LRRC69: variants seen among roughly 807,000 people sequenced by gnomAD.
LRRC69 encodes leucine-rich repeat-containing protein 69.
A neutral mutation model predicts 37.8 loss-of-function variants in LRRC69; 42 were observed. The ratio of observed to expected loss-of-function variants is 1.11; its 90% CI spans 0.87 to 1.44. The LOEUF (loss-of-function observed/expected upper bound fraction) is 1.44. Ranked by LOEUF, LRRC69 falls within the 40% of genes most tolerant of loss-of-function variation. The probability of loss-of-function intolerance (pLI) is 0.00; values close to 1 mark genes in which losing one functional copy is unlikely to be tolerated. For missense variants in LRRC69, 357 were observed against 401.9 expected (o/e 0.89, Z 0.96); for synonymous variants, 141 against 143.1 (o/e 0.99, Z 0.11).
chr8:91,115,322 AAC>A (rs1813492760), intron 1 of LRRC69, among the ~76,000 whole-genome samples: 1 of 151,958 alleles, frequency 6.6e-6, no homozygotes, highest in Non-Finnish European at 1.5e-5. Flanking sequence ...AGAGGTTGAA[AAC>A]ACATGCCTCC....
chr8:91,149,978 T>C (rs577563844), intron 5 of LRRC69, among the ~76,000 whole-genome samples: 21 of 152,078 alleles, frequency 1.4e-4, no homozygotes, highest in Non-Finnish European at 2.2e-4. Context: ...CTTAAGGAGA[T>C]TTTGGGCTGA....
chr8:91,166,510 A>AAAAC (rs1554593674), intron 5 of LRRC69, among the ~76,000 whole-genome samples: 7 of 127,516 alleles, frequency 5.5e-5, no homozygotes, highest in Non-Finnish European at 1.3e-4. Context: ...AAAAAAAAAA[A>AAAAC]AAAAAACCTA....
intron 7 of LRRC69, among the ~76,000 whole-genome samples, chr8:91,216,793 A>G (rs1810055762): frequency 6.6e-6 from 1 of 152,118 alleles, no homozygotes; most frequent in South Asian, 2.1e-4. Flanking sequence ...AAAAATACTT[A>G]TGAAATCTTT....
At chr8:91,192,979 A>T (rs1298417328) in intron 6 of LRRC69, among the ~76,000 whole-genome samples, 2 of 152,148 alleles carry the variant, frequency 1.3e-5, no homozygotes, top group African/African-American at 4.8e-5. Flanking sequence ...TTACGGTTTT[A>T]GATCTAACGT....
At chr8:91,217,579 G>T (rs1216501074) in intron 7 of LRRC69, among the ~76,000 whole-genome samples, 1 of 152,110 alleles carries the variant, frequency 6.6e-6, no homozygotes, top group East Asian at 1.9e-4. Flanking sequence ...GGAAGCAATT[G>T]AGTCATTGCC....
At chr8:91,197,850 G>T (rs1255601678) in intron 6 of LRRC69, among the ~76,000 whole-genome samples, 1 of 151,910 alleles carries the variant, frequency 6.6e-6, no homozygotes, top group African/African-American at 2.4e-5. Flanking sequence ...GTTCCTATTC[G>T]GCCATCTTGG....
intron 5 of LRRC69, among the ~76,000 whole-genome samples, chr8:91,154,423 C>CA (rs978362578): frequency 2.0e-5 from 3 of 151,022 alleles, no homozygotes; most frequent in African/African-American, 4.8e-5. Context: ...AGACACACAA[C>CA]AAAAAAAACT....
intron 5 of LRRC69, among the ~76,000 whole-genome samples, chr8:91,173,452 T>C (rs1809168834): frequency 6.6e-6 from 1 of 152,190 alleles, no homozygotes; most frequent in Non-Finnish European, 1.5e-5. Context: ...TTAAAAGTTA[T>C]CCTCTTATCA....
At chr8:91,132,275 T>C (rs994201296) in intron 3 of LRRC69, among the ~76,000 whole-genome samples, 2 of 152,022 alleles carry the variant, frequency 1.3e-5, no homozygotes, top group African/African-American at 4.8e-5. Context: ...TTACTGCCTC[T>C]AATGCTTTAT....
In LRRC69 at chr8:91,124,492, G is replaced by A. The variant is rs1406156044; in HGVS notation, c.184-1G>A. The A allele has an allele frequency of 1.3e-6, 2 of 1,529,548 alleles. No homozygotes were observed. The highest frequency in any genetic ancestry group is 1.2e-5 in the South Asian group (1 of 80,558). 94.7% of individuals were successfully genotyped at this position (1,529,548 alleles called of 1,614,324 possible). On this transcript the variant is annotated splice_acceptor_variant, in intron 1 of 7. Coordinates refer to ENST00000448384, the Ensembl canonical transcript of LRRC69. LOFTEE classifies it high-confidence loss of function. ...TCCATTAAACCTCTATATGTTTGCA[G>A]TTGACAACACTAAATCTGGGAAACA...
At chr8:91,114,971 CATTTATACATGG>C (rs1201345175) in intron 1 of LRRC69, among the ~76,000 whole-genome samples, 1 of 151,898 alleles carries the variant, frequency 6.6e-6, no homozygotes, top group East Asian at 1.9e-4. Flanking sequence ...TACATGATTT[CATTTATACATGG>C]AATATAAAAA....
At chr8:91,146,432 A>T (rs1335195645) in intron 5 of LRRC69, among the ~76,000 whole-genome samples, 1 of 151,866 alleles carries the variant, frequency 6.6e-6, no homozygotes, top group Non-Finnish European at 1.5e-5. Context: ...ATTTTTGAGA[A>T]AGTAAACTTT....
At chr8:91,171,692 A>C (rs2130583413) in intron 5 of LRRC69, among the ~76,000 whole-genome samples, 1 of 152,194 alleles carries the variant, frequency 6.6e-6, no homozygotes, top group Non-Finnish European at 1.5e-5. Flanking sequence ...TCTCATTCCC[A>C]AATGTGTCTT....
At chr8:91,118,446 T>A (rs1813557589) in intron 1 of LRRC69, 4 of 325,860 alleles carry the variant, frequency 1.2e-5, no homozygotes, top group Non-Finnish European at 2.3e-5. Flanking sequence ...TGAGAATCAC[T>A]TCAACCCAGG....
chr8:91,213,113 T>A (rs1809964544), intron 7 of LRRC69, among the ~76,000 whole-genome samples: 1 of 152,172 alleles, frequency 6.6e-6, no homozygotes, highest in Non-Finnish European at 1.5e-5. Flanking sequence ...TGTTGAAAAT[T>A]CCTTGTGAAA....
chr8:91,107,386 C>T (rs1476777533), intron 1 of LRRC69, among the ~76,000 whole-genome samples: 1 of 151,794 alleles, frequency 6.6e-6, no homozygotes, highest in East Asian at 1.9e-4. Context: ...GATCTGCCCA[C>T]TTGGCCTCCC....
chr8:91,191,061 A>G (rs559009103), intron 6 of LRRC69, among the ~76,000 whole-genome samples: 28 of 135,490 alleles, frequency 2.1e-4, no homozygotes, highest in Non-Finnish European at 3.8e-4. Flanking sequence ...CCCCAAGTCA[A>G]AAAGCAACAA....
At chr8:91,118,603 C>CT (rs1349130327) in intron 1 of LRRC69, 9 of 194,442 alleles carry the variant, frequency 4.6e-5, no homozygotes, top group Non-Finnish European at 8.5e-5. Context: ...GCAATGGTGT[C>CT]TTTCAATCTA....
intron 3 of LRRC69, among the ~76,000 whole-genome samples, chr8:91,132,577 A>G (rs1031219850): frequency 1.6e-4 from 25 of 152,114 alleles, no homozygotes; most frequent in South Asian, 6.2e-4. Flanking sequence ...TCCTTAGCCA[A>G]TGGCATTTGC....
Sources: gnomAD v4.1 joint callset for allele counts (sites outside exome capture counted in the v4.1 genomes callset) on GRCh38, gnomAD v4.1.1 for gene constraint, MANE v1.5 for transcripts, NCBI Gene and HGNC (gene_info 2026-07-23, HGNC 2026-07-21) for gene names.